The following TBC1D1 variants were observed in gnomAD, a reference collection of about 807,000 sequenced individuals.
The protein encoded by TBC1D1 is TBC1 (tre-2/USP6, BUB2, cdc16) domain family, member 1.
In TBC1D1, 89 loss-of-function variants were observed where a neutral mutation model predicts 125.6. The observed-to-expected ratio is 0.71, with a 90% CI of 0.60 to 0.85. The LOEUF (loss-of-function observed/expected upper bound fraction) is 0.85, where lower values mean the gene tolerates loss of function less well. TBC1D1 is among the 40% of genes least tolerant of loss of function. The pLI, the probability that TBC1D1 is intolerant of heterozygous loss-of-function variation, is 0.00. For synonymous variants in TBC1D1, 565 were observed against 564.1 expected, an observed-to-expected ratio of 1.00 and a Z score of -0.02; for missense variants, 1,377 against 1,469.2, an observed-to-expected ratio of 0.94 and a Z score of 1.03.
At chr4:37,968,742 G>T (rs1264526947) in intron 2 of TBC1D1, among the ~76,000 whole-genome samples, 1 of 152,194 alleles carries the variant, frequency 6.6e-6, no homozygotes, top group African/African-American at 2.4e-5. Context: ...TAAAATGTGA[G>T]TGTGGGTGTG....
At chr4:38,123,599 G>A (rs1764197090) in intron 17 of TBC1D1, among the ~76,000 whole-genome samples, 2 of 152,332 alleles carry the variant, frequency 1.3e-5, no homozygotes, top group South Asian at 4.1e-4. Context: ...GACTTAAGAA[G>A]GAAGTGAAGG....
chr4:37,933,651 T>C (rs750011150), intron 2 of TBC1D1, among the ~76,000 whole-genome samples: 3 of 152,206 alleles, frequency 2.0e-5, no homozygotes, highest in Non-Finnish European at 4.4e-5. Context: ...TCTAATAAGC[T>C]TTCAGTAACT....
intron 2 of TBC1D1, among the ~76,000 whole-genome samples, chr4:37,918,745 G>T (rs978127965): frequency 2.8e-4 from 43 of 152,276 alleles, no homozygotes; most frequent in African/African-American, 1.0e-3. Context: ...ACCCTGCCTG[G>T]CCTGGCATTT....
At chr4:37,929,031 G>T (rs1722724978) in intron 2 of TBC1D1, among the ~76,000 whole-genome samples, 1 of 152,198 alleles carries the variant, frequency 6.6e-6, no homozygotes, top group East Asian at 1.9e-4. Context: ...GCTCATCATT[G>T]TCCCTCTTTG....
chr4:37,905,715 T>C (rs1717161127), intron 2 of TBC1D1, among the ~76,000 whole-genome samples: 1 of 152,222 alleles, frequency 6.6e-6, no homozygotes, highest in African/African-American at 2.4e-5. Context: ...CCCAAAAAAC[T>C]ATTGCAACCA....
chr4:37,983,467 G>A (rs62298546), intron 2 of TBC1D1, among the ~76,000 whole-genome samples: 17,406 of 152,086 alleles, frequency 0.11, 1,064 homozygotes, highest in Middle Eastern at 0.2. Context: ...TGCTTTGTAC[G>A]GTCACCACAC....
At chr4:37,920,682 T>C (rs1469552279) in intron 2 of TBC1D1, among the ~76,000 whole-genome samples, 1 of 151,720 alleles carries the variant, frequency 6.6e-6, no homozygotes, top group Non-Finnish European at 1.5e-5. Context: ...GAGGTTAATA[T>C]CCCGGGAGCA....
chr4:37,995,511 T>C lies in TBC1D1; in HGVS notation c.418-18998T>C. The C allele has an allele frequency of 3.0e-6, 1 of 332,942 alleles. No homozygotes were observed. The highest frequency in any genetic ancestry group is 6.0e-6 in the Non-Finnish European group (1 of 167,868). 20.6% of individuals were successfully genotyped at this position (332,942 alleles called of 1,614,324 possible). ...CCCTGGGCTCAGTACACAGATGGTT[T>C]CTCTTCACCTTTTGGGTTGCGGTTT... On this transcript the variant is annotated intron_variant, in intron 2 of 19. Transcript: ENST00000261439. The surrounding 1 kb of genome is among the most constrained non-coding windows in gnomAD (Gnocchi z 4.3).
In TBC1D1 at chr4:38,044,490, G is replaced by C; in HGVS notation, c.1542G>C (p.Arg514=). The C allele has an allele frequency of 6.2e-7, 1 of 1,604,128 alleles. No homozygotes were observed. The highest frequency in any genetic ancestry group is 8.5e-7 in the Non-Finnish European group (1 of 1,177,516). The change falls in exon 9 of 20, where the codon CGG becomes CGC. Residue 514 remains arginine (R), a splice_region_variant and synonymous_variant. Coordinates refer to ENST00000261439, the MANE Select transcript of TBC1D1 (RefSeq NM_015173.4). Reference sequence around the variant, plus strand: ...AGTCTTTAGAAAGTATTTTGTCCCGGGTAAGTAGCATAATTTCTCCTGATT... The same window carrying C: ...AGTCTTTAGAAAGTATTTTGTCCCGCGTAAGTAGCATAATTTCTCCTGATT...
rs142080204 is a variant in TBC1D1 at position 37,925,951 on chromosome 4, A to T, written c.417+23439A>T. On this transcript the variant is annotated intron_variant, in intron 2 of 19. Transcript: ENST00000261439. ...TTCCCCATCTACTTTTGACAGATTT[A>T]AATTATTCAATTCAGTTACTGCAGA... is the stretch of plus-strand genomic sequence containing the variant. 9.8e-3 allele frequency among the ~76,000 whole-genome samples: 1,497 copies of T among 152,342 alleles called. 22 individuals carry two copies. Among genetic ancestry groups the T allele is most frequent in the African/African-American group, 0.035 (1,437 of 41,584 alleles).
intron 17 of TBC1D1, 124 bp from the exon 20 acceptor site, chr4:38,124,838 A>G: frequency 1.4e-6 from 1 of 718,722 alleles, no homozygotes; most frequent in Non-Finnish European, 2.3e-6. Context: ...AAAATGAAAT[A>G]AAGTTTGCAA....
intron 18 of TBC1D1, among the ~76,000 whole-genome samples, 162 bp downstream of exon 20, chr4:38,125,293 C>A (rs147757322): frequency 6.6e-6 from 1 of 152,022 alleles, no homozygotes. Flanking sequence ...GTGGAATGAT[C>A]GTGAGTGTGT....
chr4:37,962,486 C>T (rs1280390850), intron 2 of TBC1D1, among the ~76,000 whole-genome samples: 4 of 152,186 alleles, frequency 2.6e-5, no homozygotes, highest in Non-Finnish European at 5.9e-5. Flanking sequence ...TAAAATTTTA[C>T]TCTTATAGCT....
At chr4:37,992,797 C>CTT (rs748889632) in intron 2 of TBC1D1, among the ~76,000 whole-genome samples, 13 of 120,514 alleles carry the variant, frequency 1.1e-4, no homozygotes, top group Non-Finnish European at 1.2e-4. Context: ...CTGGCCGATT[C>CTT]TTTTTTTTTT....
chr4:37,957,523 G>A (rs1729160527), intron 2 of TBC1D1, among the ~76,000 whole-genome samples: 1 of 152,196 alleles, frequency 6.6e-6, no homozygotes, highest in Non-Finnish European at 1.5e-5. Context: ...GGAGGCTGAG[G>A]CAGGAGGATT....
intron 10 of TBC1D1, among the ~76,000 whole-genome samples, chr4:38,048,804 TTTGCTTGAGTGGTAGTAGTTCA>T (rs1749948973): frequency 6.6e-6 from 1 of 152,186 alleles, no homozygotes; most frequent in Non-Finnish European, 1.5e-5. Flanking sequence ...TAAACATCAG[TTTGCTTGAGTGGTAGTAGTTCA>T]TTCCTTTGAA....
chr4:37,947,169 A>G (rs1007519918), intron 2 of TBC1D1, among the ~76,000 whole-genome samples: 2 of 152,044 alleles, frequency 1.3e-5, no homozygotes, highest in African/African-American at 2.4e-5. Context: ...GTGTTTATTT[A>G]TTTTTGAGAC....
At chr4:37,961,062 A>G (rs1292523072) in intron 2 of TBC1D1, 2 of 1,595,290 alleles carry the variant, frequency 1.3e-6, no homozygotes, top group South Asian at 1.1e-5. Flanking sequence ...AGTGCTTTGG[A>G]GTTTGTGTGT....
At chr4:38,020,845 C>T in intron 5 of TBC1D1, 150 bp downstream of exon 5, 1 of 558,110 alleles carries the variant, frequency 1.8e-6, no homozygotes, top group Non-Finnish European at 3.2e-6. Flanking sequence ...TAGTAAGCAG[C>T]TAATACACAT....
Sources: gnomAD v4.1 joint callset for allele counts (sites outside exome capture counted in the v4.1 genomes callset) on GRCh38, gnomAD v4.1.1 for gene constraint, Gnocchi (gnomAD v3.1) non-coding constraint, MANE v1.5 for transcripts, NCBI Gene and HGNC (gene_info 2026-07-23, HGNC 2026-07-21) for gene names.